Variants in CACNA2D4 observed in about 807,000 individuals in gnomAD.
CACNA2D4 encodes calcium voltage-gated channel auxiliary subunit alpha2delta 4, also known as voltage-dependent calcium channel subunit alpha-2/delta-4.
In CACNA2D4, 157 loss-of-function variants were observed where a neutral mutation model predicts 163.8. The ratio of observed to expected loss-of-function variants is 0.96; its 90% CI spans 0.84 to 1.09. CACNA2D4 has a LOEUF of 1.09. CACNA2D4 is among the 50% of genes least tolerant of loss of function. CACNA2D4 has a pLI of 0.00. For missense variants in CACNA2D4, 1,410 were observed against 1,479.9 expected, an observed-to-expected ratio of 0.95 and a Z score of 0.78; for synonymous variants, 598 against 586.9, an observed-to-expected ratio of 1.02 and a Z score of -0.27.
intron 6 of CACNA2D4, among the ~76,000 whole-genome samples, chr12:1,903,827 T>C (rs2154451546): frequency 6.6e-6 from 1 of 152,164 alleles, no homozygotes; most frequent in South Asian, 2.1e-4. Flanking sequence ...CTCAAAAAAC[T>C]AGAAATAGAG....
chr12:1,916,673 C>T (rs140728917), intron 1 of CACNA2D4, among the ~76,000 whole-genome samples: 6 of 152,258 alleles, frequency 3.9e-5, no homozygotes, highest in East Asian at 1.9e-4. Context: ...TAAAAGAAGA[C>T]GGGGGCTTGT....
chr12:1,860,086 G>A, intron 19 of CACNA2D4, 59 bp downstream of exon 19: 1 of 1,382,528 alleles, frequency 7.2e-7, no homozygotes, highest in Non-Finnish European at 1.0e-6. Flanking sequence ...AACTAAATAT[G>A]AGTTGCTGGT....
Position 1,828,547 on chromosome 12 carries a change from T to C in CACNA2D4, c.2551+12192A>G, listed in dbSNP as rs1400583679. ...TCTGCTGGAATGCAGGCCTGCTGAGTCTTAAACAGCCTCACTGGTGCCTGA... is the reference window on the plus strand; with the variant it reads ...TCTGCTGGAATGCAGGCCTGCTGAGCCTTAAACAGCCTCACTGGTGCCTGA... On this transcript the variant is annotated intron_variant, in intron 26 of 37. Coordinates refer to ENST00000382722, the MANE Select transcript of CACNA2D4 (RefSeq NM_172364.5). This position sits in a 1 kb window ranked among gnomAD's most constrained non-coding sequence, Gnocchi z 4.2. Among the ~76,000 whole-genome samples the C allele has an allele frequency of 1.3e-5, 2 of 152,118 alleles. No homozygotes were observed. The highest frequency in any genetic ancestry group is 2.9e-5 in the Non-Finnish European group (2 of 68,016).
In CACNA2D4 at chr12:1,829,239, G is replaced by A. The variant is rs541690055; in HGVS notation, c.2551+11500C>T. On this transcript the variant is annotated intron_variant, in intron 26 of 37. Transcript: ENST00000382722. This position sits in a 1 kb window ranked among gnomAD's most constrained non-coding sequence, Gnocchi z 4.2. ...TGTCAGGCCCTTCTCTGGGAGGGGC[G>A]AGCGGCTTCTGGTGATGCAGATCCT... Among the ~76,000 whole-genome samples the A allele has an allele frequency of 1.6e-3, 246 of 152,330 alleles. No homozygotes were observed. Among genetic ancestry groups the A allele is most frequent in the African/African-American group, 3.8e-3 (157 of 41,576 alleles).
At chr12:1,906,561 A>C (rs1194847104) in intron 6 of CACNA2D4, among the ~76,000 whole-genome samples, 2 of 152,232 alleles carry the variant, frequency 1.3e-5, no homozygotes, top group Admixed American at 1.3e-4. Context: ...TTTACATATA[A>C]GTTGGTGTCT....
intron 18 of CACNA2D4, among the ~76,000 whole-genome samples, chr12:1,871,141 T>C (rs1446481730): frequency 8.1e-6 from 1 of 123,126 alleles, no homozygotes; most frequent in African/African-American, 3.2e-5. Context: ...GTGTTGCTGG[T>C]GTGTGTGTAC....
At position 1,801,604 on chromosome 12, in the gene CACNA2D4, G is replaced by A; in HGVS notation, c.2762C>T (p.Thr921Ile). ...GAACACCCCCATGCTGAGCAGCTGGGTCAGGACAGCACCATCCACCTCCCC... is the reference window on the plus strand; with the variant it reads ...GAACACCCCCATGCTGAGCAGCTGGATCAGGACAGCACCATCCACCTCCCC... ...FLGEVDGAVLTQLLSMGVFSQ... is the reference protein window; with the variant it reads ...FLGEVDGAVLIQLLSMGVFSQ... Residue 921 changes from threonine (T) to isoleucine (I), a missense_variant, in exon 30 of 38, where the codon ACC (threonine) becomes ATC (isoleucine). Coordinates refer to ENST00000382722, the MANE Select transcript of CACNA2D4 (RefSeq NM_172364.5). 6.3e-7 allele frequency: 1 copy of A among 1,592,194 alleles called. No individual in the cohort carries two copies. The highest frequency in any genetic ancestry group is 8.6e-7 in the Non-Finnish European group (1 of 1,169,318).
intron 6 of CACNA2D4, among the ~76,000 whole-genome samples, chr12:1,898,296 A>T (rs574702549): frequency 9.8e-4 from 149 of 152,270 alleles, no homozygotes; most frequent in African/African-American, 3.5e-3. Context: ...GGCAACCCAT[A>T]GAATGGGAGC....
intron 1 of CACNA2D4, among the ~76,000 whole-genome samples, chr12:1,916,630 G>A (rs922034391): frequency 6.6e-6 from 1 of 152,146 alleles, no homozygotes; most frequent in African/African-American, 2.4e-5. Flanking sequence ...CAGGCCCAGC[G>A]GAGCGCAGTG....
In CACNA2D4 at chr12:1,793,230, C is replaced by T. The variant is rs886049120; in HGVS notation, c.*425G>A. The T allele has an allele frequency of 6.3e-5, 11 of 175,004 alleles. No individual in the cohort carries two copies. The highest frequency in any genetic ancestry group is 1.2e-4 in the Admixed American group (2 of 17,124). 10.8% of individuals were successfully genotyped at this position (175,004 alleles called of 1,614,324 possible). A position where few individuals can be genotyped will look rare whatever the true frequency, so the allele number is the denominator to read the frequency against. ...CTCATTCTGCTGCTGCTTCTCAGTA[C>T]CCAGAAGTCCTTGGGTTCTACCAGA... On this transcript the variant is annotated 3_prime_UTR_variant, in exon 38 of 38. Coordinates refer to ENST00000382722, the MANE Select transcript of CACNA2D4 (RefSeq NM_172364.5).
chr12:1,797,280 G>A (rs995780642), intron 35 of CACNA2D4, 138 bp downstream of exon 35: 6 of 674,386 alleles, frequency 8.9e-6, no homozygotes, highest in Non-Finnish European at 1.6e-5. Flanking sequence ...CCGGGAGCGT[G>A]GGCTCTGCAC....
intron 1 of CACNA2D4, 192 bp downstream of exon 1, chr12:1,918,055 T>G: frequency 1.3e-5 from 7 of 555,356 alleles, no homozygotes; most frequent in East Asian, 6.6e-5. Flanking sequence ...TCACAGAGCT[T>G]TTGGGAGGAG....
At chr12:1,839,044 G>A (rs1278034609) in intron 26 of CACNA2D4, among the ~76,000 whole-genome samples, 6 of 152,176 alleles carry the variant, frequency 3.9e-5, no homozygotes, top group Admixed American at 2.6e-4. Context: ...TTCTCCCCCC[G>A]TCGCTTATCC....
At chr12:1,817,922 G>A in intron 26 of CACNA2D4, among the ~76,000 whole-genome samples, 1 of 151,950 alleles carries the variant, frequency 6.6e-6, no homozygotes, top group African/African-American at 2.4e-5. Flanking sequence ...TGGGAAGTGA[G>A]GAGCGTCTCC....
In CACNA2D4 at chr12:1,844,707, T is replaced by TCATGTTGTTTCTGGAAAACAA. The variant is rs1460410924; in HGVS notation, c.2343-179_2343-178insTTGTTTTCCAGAAACAACATG. Among the ~76,000 whole-genome samples, 4 of 152,236 alleles carry TCATGTTGTTTCTGGAAAACAA rather than the reference T, an allele frequency of 2.6e-5. No homozygotes were observed. Among genetic ancestry groups the TCATGTTGTTTCTGGAAAACAA allele is most frequent in the African/African-American group, 9.6e-5 (4 of 41,464 alleles). On this transcript the variant is annotated intron_variant, in intron 24 of 37. Coordinates refer to ENST00000382722, the MANE Select transcript of CACNA2D4 (RefSeq NM_172364.5). This position sits in a 1 kb window ranked among gnomAD's most constrained non-coding sequence, Gnocchi z 4.2. The stretch of plus-strand genomic sequence containing the variant: ...CGCCTTTTCCAGAAACAAAACGATG[T>TCATGTTGTTTCTGGAAAACAA]CATGTTGCATCTAGCTAGCAGCTGG...
chr12:1,910,710 G>T (rs1866790661), intron 3 of CACNA2D4, among the ~76,000 whole-genome samples: 1 of 152,188 alleles, frequency 6.6e-6, no homozygotes, highest in African/African-American at 2.4e-5. Flanking sequence ...CAACACAGAT[G>T]AACCCTGTAG....
intron 6 of CACNA2D4, among the ~76,000 whole-genome samples, chr12:1,893,599 CA>C (rs1555186203): frequency 1.3e-5 from 2 of 151,976 alleles, no homozygotes; most frequent in Non-Finnish European, 2.9e-5. Context: ...AAATCAATAA[CA>C]AGAGAAATTT....
rs1033041546 is a variant in CACNA2D4 at position 1,828,940 on chromosome 12, C to T, written c.2551+11799G>A. Among the ~76,000 whole-genome samples, 10 of 152,220 alleles carry T rather than the reference C, an allele frequency of 6.6e-5. No homozygotes were observed. The East Asian group carries it at 1.4e-3, about 21-fold the overall frequency. Reference sequence around the variant, plus strand: ...AAGGGCTGGTCTGCCCAAGGCTACACGGTGGCAGGGAGGAAACGGTCCCGC... The same window carrying T: ...AAGGGCTGGTCTGCCCAAGGCTACATGGTGGCAGGGAGGAAACGGTCCCGC... On this transcript the variant is annotated intron_variant, in intron 26 of 37. Coordinates refer to ENST00000382722, the MANE Select transcript of CACNA2D4 (RefSeq NM_172364.5). This position sits in a 1 kb window ranked among gnomAD's most constrained non-coding sequence, Gnocchi z 4.2.
intron 34 of CACNA2D4, chr12:1,797,794 G>C: frequency 1.8e-6 from 1 of 549,846 alleles, no homozygotes; most frequent in Non-Finnish European, 3.3e-6. Context: ...GCTTCCTCTG[G>C]GGAGCCTGGC....
Sources: allele counts gnomAD v4.1 joint callset (sites outside exome capture counted in the v4.1 genomes callset), GRCh38; gene constraint gnomAD v4.1.1; non-coding constraint Gnocchi (gnomAD v3.1); transcripts MANE v1.5; gene names NCBI Gene and HGNC (gene_info 2026-07-23, HGNC 2026-07-21).